DGKB: variants seen among roughly 807,000 people sequenced by gnomAD.
DGKB encodes diacylglycerol kinase beta, also known as 90 kDa diacylglycerol kinase.
Under a neutral mutation model 114.3 loss-of-function variants are expected in DGKB, and 67 were observed. That is an observed-to-expected ratio of 0.59 (90% CI 0.48 to 0.72). DGKB has a LOEUF of 0.72. Ranked by LOEUF, DGKB falls within the 30% of genes least tolerant of loss-of-function variation. DGKB has a pLI of 0.00. For synonymous variants in DGKB, 398 were observed against 323.1 expected (o/e 1.23, Z -2.49); for missense variants, 907 against 975.2 (o/e 0.93, Z 0.93).
chr7:14,658,710 A>T (rs1275541111), intron 13 of DGKB, among the ~76,000 whole-genome samples: 1 of 151,836 alleles, frequency 6.6e-6, no homozygotes, highest in Non-Finnish European at 1.5e-5. Context: ...ATATCAATAC[A>T]GAATAAAATT....
intron 23 of DGKB, among the ~76,000 whole-genome samples, chr7:14,255,709 C>T (rs984827133): frequency 2.0e-5 from 3 of 151,898 alleles, no homozygotes; most frequent in Non-Finnish European, 4.4e-5. Context: ...TAAAAAAGCC[C>T]TTCATCTTTA....
intron 1 of DGKB, among the ~76,000 whole-genome samples, chr7:14,946,561 C>A (rs1446859938): frequency 1.3e-5 from 2 of 151,728 alleles, no homozygotes; most frequent in Non-Finnish European, 3.0e-5. Context: ...ATAACAGCAT[C>A]CTTGTCCCCA....
intron 21 of DGKB, among the ~76,000 whole-genome samples, chr7:14,393,768 T>C (rs1373704563): frequency 6.6e-6 from 1 of 152,240 alleles, no homozygotes; most frequent in Non-Finnish European, 1.5e-5. Flanking sequence ...TTATAGTGTC[T>C]AACGATTTCT....
At chr7:14,511,784 G>A (rs947922309) in intron 20 of DGKB, among the ~76,000 whole-genome samples, 3 of 152,068 alleles carry the variant, frequency 2.0e-5, no homozygotes, top group African/African-American at 7.2e-5. Flanking sequence ...AATACTTAGA[G>A]GCCACGGTAG....
Position 14,923,007 on chromosome 7 carries a change from C to T in DGKB, c.-188+51689G>A, listed in dbSNP as rs148776614. ...TCTTTGATTAACATCTCCCCTTTCT[C>T]CATCCCTCCTTTTCCACCACAGCTT... On this transcript the variant is annotated intron_variant, in intron 1 of 4. Transcript: ENST00000437998. Among the ~76,000 whole-genome samples, 17 of 152,282 alleles carry T rather than the reference C, an allele frequency of 1.1e-4. No individual in the cohort carries two copies. The East Asian group carries it at 2.7e-3, about 24-fold the overall frequency.
At chr7:14,827,131 T>C (rs1005970815) in intron 2 of DGKB, among the ~76,000 whole-genome samples, 10 of 152,126 alleles carry the variant, frequency 6.6e-5, no homozygotes, top group African/African-American at 2.2e-4. Flanking sequence ...ACCCAACCAA[T>C]AAACAAGTGT....
At chr7:14,953,781 C>T (rs968024065) in intron 1 of DGKB, among the ~76,000 whole-genome samples, 1 of 152,108 alleles carries the variant, frequency 6.6e-6, no homozygotes, top group African/African-American at 2.4e-5. Context: ...TAAACAAGAA[C>T]TGTAAAGAAT....
intron 22 of DGKB, among the ~76,000 whole-genome samples, chr7:14,343,842 T>A (rs1175760263): frequency 1.3e-5 from 2 of 149,240 alleles, no homozygotes; most frequent in East Asian, 3.9e-4. Context: ...CATAAATATG[T>A]ATATGTATAT....
intron 4 of DGKB, among the ~76,000 whole-genome samples, chr7:14,748,830 T>C (rs1723243): frequency 0.26 from 40,212 of 152,028 alleles, 9,032 homozygotes; most frequent in African/African-American, 0.61. Flanking sequence ...AATAAGTGAC[T>C]CCTAAAACAC....
In DGKB at chr7:14,575,506, T is replaced by C. The variant is rs532922900; in HGVS notation, c.1610-1134A>G. ...GAGTTACTGTTTTTGTTTCTGAATC[T>C]TCCTCAACATTAGTTTCCTTCCCTG... On this transcript the variant is annotated intron_variant, in intron 19 of 25. Transcript: ENST00000402815. Among the ~76,000 whole-genome samples the C allele has an allele frequency of 6.6e-5, 10 of 152,320 alleles. No homozygotes were observed. The South Asian group carries it at 1.2e-3, about 19-fold the overall frequency.
chr7:14,814,920 CTT>C (rs537842451), intron 2 of DGKB, among the ~76,000 whole-genome samples: 3 of 152,148 alleles, frequency 2.0e-5, no homozygotes, highest in South Asian at 4.1e-4. Context: ...TGATCTATTC[CTT>C]TTGCTCTTTT....
In DGKB at chr7:14,775,687, T is replaced by G. The variant is rs1352235609; in HGVS notation, c.71-17956A>C. Among the ~76,000 whole-genome samples, 3 of 151,958 alleles carry G rather than the reference T, an allele frequency of 2.0e-5. No homozygotes were observed. The East Asian group carries it at 5.9e-4, about 30-fold the overall frequency. On this transcript the variant is annotated intron_variant, in intron 2 of 25. Coordinates refer to ENST00000402815, the MANE Select transcript of DGKB (RefSeq NM_001350709.2). ...TGCTGCCACCATGTGAAGAAGGATG[T>G]GTTTGATTCTTTTTCTGCCATGATT...
At chr7:14,154,212 C>A (rs1782641614) in intron 25 of DGKB, among the ~76,000 whole-genome samples, 2 of 130,600 alleles carry the variant, frequency 1.5e-5, no homozygotes, top group Admixed American at 8.4e-5. Context: ...AAAATGAGAT[C>A]TATTGTAAGG....
intron 20 of DGKB, among the ~76,000 whole-genome samples, chr7:14,522,982 T>A (rs1790030627): frequency 6.6e-6 from 1 of 152,170 alleles, no homozygotes; most frequent in African/African-American, 2.4e-5. Flanking sequence ...TAAACCCAAC[T>A]TTTTGATTAA....
chr7:14,197,976 G>T (rs1785266714), intron 23 of DGKB, among the ~76,000 whole-genome samples: 1 of 152,060 alleles, frequency 6.6e-6, no homozygotes, highest in Non-Finnish European at 1.5e-5. Flanking sequence ...TGAGTCTGGG[G>T]ACTCATTTTG....
At chr7:14,943,092 C>T (rs1718703540) in intron 1 of DGKB, among the ~76,000 whole-genome samples, 1 of 151,746 alleles carries the variant, frequency 6.6e-6, no homozygotes, top group South Asian at 2.1e-4. Flanking sequence ...TAATGGTGTG[C>T]TTTATTTTCT....
At chr7:14,779,095 G>T (rs1205727168) in intron 2 of DGKB, among the ~76,000 whole-genome samples, 1 of 152,144 alleles carries the variant, frequency 6.6e-6, no homozygotes, top group Non-Finnish European at 1.5e-5. Flanking sequence ...GGGAGAGGTT[G>T]CAGTGAGCCA....
chr7:14,911,507 C>T (rs571062777), intron 1 of DGKB, among the ~76,000 whole-genome samples: 1 of 152,120 alleles, frequency 6.6e-6, no homozygotes, highest in African/African-American at 2.4e-5. Context: ...ATGGCTCCAA[C>T]ACTCAGCTCA....
intron 2 of DGKB, among the ~76,000 whole-genome samples, chr7:14,775,408 T>A (rs574854962): frequency 1.3e-5 from 2 of 151,926 alleles, no homozygotes; most frequent in African/African-American, 4.8e-5. Context: ...CACCGAAATC[T>A]CATCTTGAAT....
Sources: allele counts gnomAD v4.1 joint callset (sites outside exome capture counted in the v4.1 genomes callset), GRCh38; gene constraint gnomAD v4.1.1; transcripts MANE v1.5; gene names NCBI Gene and HGNC (gene_info 2026-07-23, HGNC 2026-07-21).